AGRN: variants seen among roughly 807,000 people sequenced by gnomAD.
AGRN encodes the protein agrin.
Under a neutral mutation model 211.0 loss-of-function variants are expected in AGRN, and 106 were observed. The ratio of observed to expected loss-of-function variants is 0.50; its 90% confidence interval spans 0.43 to 0.59. The LOEUF (loss-of-function observed/expected upper bound fraction) is 0.59. AGRN is among the 20% of genes least tolerant of loss of function. The pLI is 0.00. For missense variants in AGRN, 3,040 were observed against 2,982.6 expected (o/e 1.02, Z -0.45); for synonymous variants, 1,525 against 1,332.5 (o/e 1.14, Z -3.15).
At chr1:1,038,542 T>C (rs916103282) in intron 3 of AGRN, among the ~76,000 whole-genome samples, 7 of 152,214 alleles carry the variant, frequency 4.6e-5, no homozygotes, top group South Asian at 2.1e-4. Context: ...TGGAGGGAGC[T>C]GCGGGTCCTG....
Position 1,040,736 on chromosome 1 carries a change from T to G in AGRN, c.583T>G (p.Cys195Gly). 6.5e-7 allele frequency: 1 copy of G among 1,545,238 alleles called. No individual in the cohort carries two copies. The highest frequency in any genetic ancestry group is 8.7e-7 in the Non-Finnish European group (1 of 1,147,128). ...PNAEGPGRAS[C>G]VCKKSPCPSV... is the part of the protein sequence containing the mutation. ...CGCGGAGGGGCCGGGCCGGGCGTCC[T>G]GCGTCTGCAAGAAGAGCCCGTGCCC... The change falls in exon 4 of 36, where the codon TGC becomes GGC. Residue 195 changes from cysteine (C) to glycine (G), a missense_variant. Coordinates refer to ENST00000379370, the MANE Select transcript of AGRN (RefSeq NM_198576.4).
In AGRN at chr1:1,046,488, C is replaced by T. The variant is rs375208869; in HGVS notation, c.3003C>T (p.Pro1001=). 3.4e-4 allele frequency: 549 copies of T among 1,610,532 alleles called. 2 individuals carry two copies. The highest frequency in any genetic ancestry group is 3.1e-3 in the Middle Eastern group (19 of 6,056). Residue 1001 remains proline (P), a synonymous_variant, in exon 18 of 36, where the codon CCC becomes CCT. Coordinates refer to ENST00000379370, the MANE Select transcript of AGRN (RefSeq NM_198576.4). ...TGAGCCAGGCACTGCCGGCCCCCCC[C>T]GGCGCCCTCCCCCTGGCTCCCAGCA... is the stretch of plus-strand genomic sequence containing the variant. ...LLLSQALPAP[P]GALPLAPSST... is the part of the protein sequence containing the mutation.
intron 7 of AGRN, among the ~76,000 whole-genome samples, chr1:1,042,523 C>T (rs989455240): frequency 1.3e-5 from 2 of 152,160 alleles, no homozygotes; most frequent in East Asian, 1.9e-4. Context: ...AGCCGTCGGC[C>T]GTTTTGGAGG....
Position 1,051,307 on chromosome 1 carries a change from G to A in AGRN, c.5308G>A (p.Asp1770Asn), listed in dbSNP as rs141464249. The A allele has an allele frequency of 1.0e-4, 161 of 1,572,062 alleles. No homozygotes were observed. The highest frequency in any genetic ancestry group is 1.9e-4 in the African/African-American group (14 of 74,192). Residue 1770 changes from aspartate to asparagine, a missense_variant, in exon 31 of 36, where the codon GAC becomes AAC. Physicochemically the swap from Asp to Asn is conservative, Grantham distance 23. This residue lies in a region of AGRN where 1,537 missense variants were observed against 1,505.0 expected (regional missense o/e 1.02). Coordinates refer to ENST00000379370, the MANE Select transcript of AGRN (RefSeq NM_198576.4). ...GCCGCTCTACGTAGGGGGCGCTCCCGACTTCAGCAAGCTGGCCCGTGCTGC... is the reference window on the plus strand; with the variant it reads ...GCCGCTCTACGTAGGGGGCGCTCCCAACTTCAGCAAGCTGGCCCGTGCTGC... ...KEPLYVGGAP[D>N]FSKLARAAAV...
chr1:1,051,922 CCT>C (rs1473763335), intron 33 of AGRN, 107 bp downstream of exon 33: 2 of 1,548,652 alleles, frequency 1.3e-6, no homozygotes, highest in Non-Finnish European at 1.7e-6. Context: ...GGTGCTGCCA[CCT>C]CTGTCCTCCC....
At chr1:1,039,285 T>C (rs1644871823) in intron 3 of AGRN, among the ~76,000 whole-genome samples, 1 of 151,200 alleles carries the variant, frequency 6.6e-6, no homozygotes, top group Non-Finnish European at 1.5e-5. Flanking sequence ...GGCAGGCGGA[T>C]GGCCCTCACT....
chr1:1,043,545 C>T lies in AGRN; in HGVS notation c.1611C>T (p.Cys537=), dbSNP rs373004225. The change falls in exon 9 of 36, where the codon TGC becomes TGT. Residue 537 remains cysteine (C), a synonymous_variant. Transcript: ENST00000379370. ...QVARKGPCDR[C]GQCRFGALCE... ...ATGGAAGCTCCTCCCCAGACCGCTG[C>T]GGGCAGTGCCGCTTTGGAGCCCTGT... 1.2e-5 allele frequency: 19 copies of T among 1,604,266 alleles called. No individual in the cohort carries two copies. The highest frequency in any genetic ancestry group is 2.2e-5 in the South Asian group (2 of 91,084).
At position 1,043,461 on chromosome 1, in the gene AGRN, A is replaced by G; in HGVS notation, c.1603+4A>G. On this transcript the variant is annotated splice_donor_region_variant and intron_variant, in intron 8 of 35. Coordinates refer to ENST00000379370, the MANE Select transcript of AGRN (RefSeq NM_198576.4). ...GTGGCGCGCAAAGGACCCTGTGGTC[A>G]GTGGCGGGTGAGGGGTCTGGTGGGG... The G allele has an allele frequency of 6.3e-7, 1 of 1,597,436 alleles. No individual in the cohort carries two copies. Among genetic ancestry groups the G allele is most frequent in the South Asian group, 1.1e-5 (1 of 90,456 alleles).
chr1:1,022,975 G>C (rs1451589195), intron 2 of AGRN, among the ~76,000 whole-genome samples: 1 of 152,256 alleles, frequency 6.6e-6, no homozygotes, highest in African/African-American at 2.4e-5. Context: ...CTCTGCCGAA[G>C]GGCCGAGGAG....
chr1:1,045,298 C>T, intron 13 of AGRN, 21 bp downstream of exon 13: 1 of 1,612,026 alleles, frequency 6.2e-7, no homozygotes, highest in East Asian at 2.2e-5. Context: ...GAGCTCAGCC[C>T]CGACCCCGGG....
At position 1,041,211 on chromosome 1, in the gene AGRN, G is replaced by C. The variant is rs1292582325; in HGVS notation, c.766G>C (p.Gly256Arg). ...DPCSNVTCSFGSTCARSADGL... is the reference protein window; with the variant it reads ...DPCSNVTCSFRSTCARSADGL... ...CTGCTCCAACGTGACCTGCAGCTTCGGCAGCACCTGTGCGCGCTCGGCCGA... is the reference window on the plus strand; with the variant it reads ...CTGCTCCAACGTGACCTGCAGCTTCCGCAGCACCTGTGCGCGCTCGGCCGA... Residue 256 changes from glycine to arginine, a missense_variant, in exon 5 of 36, where the codon GGC becomes CGC. By Grantham distance (125) the Gly-to-Arg change is moderately radical (BLOSUM62 -2). This residue lies in a region of AGRN where 1,498 missense variants were observed against 1,457.8 expected (regional missense o/e 1.03). Coordinates refer to ENST00000379370, the MANE Select transcript of AGRN (RefSeq NM_198576.4). The C allele has an allele frequency of 4.1e-6, 6 of 1,470,898 alleles. No individual in the cohort carries two copies. Among genetic ancestry groups the C allele is most frequent in the South Asian group, 2.6e-5 (2 of 78,108 alleles). The allele number at this position is 1,470,898 out of a possible 1,614,324, so 91.1% of individuals were successfully genotyped here.
intron 1 of AGRN, 117 bp from the exon 2 acceptor site, chr1:1,022,084 A>T: frequency 7.4e-7 from 1 of 1,351,414 alleles, no homozygotes; most frequent in Non-Finnish European, 1.0e-6. Context: ...AGGTCTCCCC[A>T]CATCTCTGCC....
rs759764326 is a variant in AGRN at position 1,049,602 on chromosome 1, G to T, written c.4551G>T (p.Arg1517Ser). 4 of 1,592,158 alleles carry T rather than the reference G, an allele frequency of 2.5e-6. No homozygotes were observed. The highest frequency in any genetic ancestry group is 3.4e-6 in the Non-Finnish European group (4 of 1,170,510). The change falls in exon 26 of 36, where the codon AGG (arginine) becomes AGT (serine). Residue 1517 changes from arginine (R) to serine (S), a missense_variant. Physicochemically the swap from Arg to Ser is moderately radical, Grantham distance 110. This residue lies in a region of AGRN where 1,537 missense variants were observed against 1,505.0 expected (regional missense o/e 1.02). Transcript: ENST00000379370. ...LERTFVGAGL[R>S]GCIRLLDVNN... Reference sequence around the variant, plus strand: ...GGACCTTCGTGGGCGCCGGCCTGAGGGGGTGCATCCGTTTGCTGGACGTCA... The same window carrying T: ...GGACCTTCGTGGGCGCCGGCCTGAGTGGGTGCATCCGTTTGCTGGACGTCA...
Position 1,050,490 on chromosome 1 carries a change from C to A in AGRN, c.5040C>A (p.Asn1680Lys). The change falls in exon 29 of 36, where the codon AAC becomes AAA. Residue 1680 changes from asparagine to lysine, a missense_variant. By Grantham distance (94) the Asn-to-Lys change is moderately conservative (BLOSUM62 0). Coordinates refer to ENST00000379370, the MANE Select transcript of AGRN (RefSeq NM_198576.4). The stretch of plus-strand genomic sequence containing the variant: ...GCCCCAGCGGCCTCCTGCTCTACAA[C>A]GGGCAGAAGACGGACGGCAAGGGGG... ...ARGPSGLLLYNGQKTDGKGDF... is the reference protein window; with the variant it reads ...ARGPSGLLLYKGQKTDGKGDF... 6.2e-7 allele frequency: 1 copy of A among 1,612,898 alleles called. No homozygotes were observed. The highest frequency in any genetic ancestry group is 1.1e-5 in the South Asian group (1 of 91,086).
chr1:1,042,380 C>T (rs988686460), intron 7 of AGRN, among the ~76,000 whole-genome samples: 1 of 152,188 alleles, frequency 6.6e-6, no homozygotes, highest in African/African-American at 2.4e-5. Context: ...TCCAGGCTCC[C>T]TGGTCCCTGA....
At chr1:1,030,276 G>C (rs1176178602) in intron 2 of AGRN, among the ~76,000 whole-genome samples, 1 of 114,880 alleles carries the variant, frequency 8.7e-6, no homozygotes, top group African/African-American at 3.7e-5. Flanking sequence ...TGTGTGTGCA[G>C]TGCATGGTGC....
chr1:1,054,724 G>T, intron 35 of AGRN, 100 bp from the exon 36 acceptor site: 1 of 1,508,836 alleles, frequency 6.6e-7, no homozygotes. Context: ...GCCGGGAGGC[G>T]GGTGCCCAGG....
intron 33 of AGRN, chr1:1,052,514 CGT>C (rs34235844): frequency 9.2e-4 from 189 of 204,730 alleles, no homozygotes; most frequent in South Asian, 2.7e-3. Flanking sequence ...GGTATGTGTC[CGT>C]GTGTGTGTGT....
chr1:1,052,207 G>T, intron 33 of AGRN: 1 of 591,608 alleles, frequency 1.7e-6, no homozygotes, highest in South Asian at 1.7e-5. Context: ...GGCACAGGCC[G>T]AGGGTCGCCC....
Sources: allele counts gnomAD v4.1 joint callset (sites outside exome capture counted in the v4.1 genomes callset), GRCh38; gene constraint gnomAD v4.1.1; regional missense constraint gnomAD v4.1.1; transcripts MANE v1.5; gene names NCBI Gene and HGNC (gene_info 2026-07-23, HGNC 2026-07-21).